GABRB2: variants seen among roughly 807,000 people sequenced by gnomAD.
The protein encoded by GABRB2 is gamma-aminobutyric acid receptor subunit beta-2.
A neutral mutation model predicts 54.7 loss-of-function variants in GABRB2; 16 were observed. That is an observed-to-expected ratio of 0.29 (90% CI 0.20 to 0.44). The LOEUF (loss-of-function observed/expected upper bound fraction) is 0.44. Among genes scored for constraint, GABRB2 ranks in the 20% least tolerant of loss-of-function variants. The pLI is 1.00. For synonymous variants in GABRB2, 244 were observed against 233.8 expected, an observed-to-expected ratio of 1.04 and a Z score of -0.40; for missense variants, 355 against 644.0, an observed-to-expected ratio of 0.55 and a Z score of 4.86.
intron 4 of GABRB2, among the ~76,000 whole-genome samples, chr5:161,436,329 G>A (rs937919852): frequency 3.9e-5 from 6 of 152,074 alleles, no homozygotes; most frequent in Admixed American, 6.6e-5. Context: ...TCAGTAGGTC[G>A]AGACCAGCCT....
At chr5:161,509,253 C>A (rs965339594) in intron 3 of GABRB2, among the ~76,000 whole-genome samples, 3 of 151,964 alleles carry the variant, frequency 2.0e-5, no homozygotes, top group Admixed American at 6.6e-5. Flanking sequence ...TGATTTCCAT[C>A]TATGACAATA....
chr5:161,298,228 G>T (rs1452926242), intron 9 of GABRB2, among the ~76,000 whole-genome samples: 1 of 152,146 alleles, frequency 6.6e-6, no homozygotes, highest in Non-Finnish European at 1.5e-5. Flanking sequence ...TCTGTAGGTT[G>T]CCTGTTCACT....
chr5:161,297,723 A>C (rs1757423251), intron 9 of GABRB2, among the ~76,000 whole-genome samples: 1 of 152,132 alleles, frequency 6.6e-6, no homozygotes, highest in Admixed American at 6.5e-5. Context: ...TGCTATTGTG[A>C]ATAGTGTTGC....
At chr5:161,544,475 G>A (rs1402738628) in intron 3 of GABRB2, among the ~76,000 whole-genome samples, 2 of 152,176 alleles carry the variant, frequency 1.3e-5, no homozygotes, top group African/African-American at 4.8e-5. Flanking sequence ...CCCGATTGAA[G>A]CAAACCCCCC....
At chr5:161,435,082 ATTAT>A (rs1757271606) in intron 4 of GABRB2, among the ~76,000 whole-genome samples, 2 of 152,204 alleles carry the variant, frequency 1.3e-5, no homozygotes, top group Non-Finnish European at 2.9e-5. Context: ...GGGTCTAGTT[ATTAT>A]TATAGATTTT....
intron 3 of GABRB2, among the ~76,000 whole-genome samples, chr5:161,465,739 A>G (rs1393812334): frequency 6.6e-6 from 1 of 152,090 alleles, no homozygotes; most frequent in Admixed American, 6.6e-5. Context: ...AATATACACA[A>G]TACATACACA....
chr5:161,330,267 A>G (rs942995898), intron 8 of GABRB2: 5 of 152,228 alleles, frequency 3.3e-5, no homozygotes, highest in Admixed American at 3.3e-4. Context: ...TAAGTGGTAT[A>G]TGTGCAAGGC....
chr5:161,423,567 C>T (rs527615034), intron 4 of GABRB2, among the ~76,000 whole-genome samples: 13 of 152,214 alleles, frequency 8.5e-5, no homozygotes, highest in South Asian at 6.2e-4. Context: ...TGGGGAGCCA[C>T]GAAGCATGTC....
chr5:161,525,703 G>T (rs1760257084), intron 3 of GABRB2, among the ~76,000 whole-genome samples: 1 of 151,090 alleles, frequency 6.6e-6, no homozygotes, highest in Non-Finnish European at 1.5e-5. Context: ...ATTATAAGAA[G>T]CACTTTTTCT....
At chr5:161,309,541 TA>T (rs1277872737) in intron 9 of GABRB2, among the ~76,000 whole-genome samples, 1 of 152,082 alleles carries the variant, frequency 6.6e-6, no homozygotes, top group Non-Finnish European at 1.5e-5. Context: ...TTTTATATTA[TA>T]AAGACACATG....
At chr5:161,310,832 G>A (rs1757844479) in intron 9 of GABRB2, among the ~76,000 whole-genome samples, 1 of 148,332 alleles carries the variant, frequency 6.7e-6, no homozygotes, top group African/African-American at 2.5e-5. Flanking sequence ...GCGCAATCTC[G>A]GCTCACTGCA....
chr5:161,500,995 C>T (rs1759420034), intron 3 of GABRB2, among the ~76,000 whole-genome samples: 1 of 152,044 alleles, frequency 6.6e-6, no homozygotes, highest in Non-Finnish European at 1.5e-5. Flanking sequence ...TCCTCCCACC[C>T]CACAACAGTC....
intron 3 of GABRB2, among the ~76,000 whole-genome samples, chr5:161,538,572 C>T (rs1760715086): frequency 6.6e-6 from 1 of 152,230 alleles, no homozygotes; most frequent in Non-Finnish European, 1.5e-5. Context: ...CCTATAATCC[C>T]AGCACTCTGG....
chr5:161,327,322 G>A (rs995408769), intron 8 of GABRB2, among the ~76,000 whole-genome samples: 2 of 152,252 alleles, frequency 1.3e-5, no homozygotes, highest in Non-Finnish European at 1.5e-5. Context: ...AATCAACTGA[G>A]TTGGAATACA....
intron 5 of GABRB2, among the ~76,000 whole-genome samples, chr5:161,402,807 C>T (rs1370223752): frequency 1.3e-5 from 2 of 152,080 alleles, no homozygotes; most frequent in African/African-American, 2.4e-5. Context: ...TTTAATAAGC[C>T]CTCCAGGAGA....
At chr5:161,411,607 G>C (rs1331026318) in intron 4 of GABRB2, among the ~76,000 whole-genome samples, 6 of 151,948 alleles carry the variant, frequency 3.9e-5, no homozygotes, top group Non-Finnish European at 7.4e-5. Flanking sequence ...CCTGATTTCT[G>C]TCCTGAGTAA....
rs891825807 is a variant in GABRB2 at position 161,292,051 on chromosome 5, A to C, written c.*2030T>G. ...CCAAAGATGATACTCAGAGGTGCTC[A>C]AGATTATGTAATCAAAATATAATGG... On this transcript the variant is annotated 3_prime_UTR_variant, in exon 10 of 10. Transcript: ENST00000393959. The C allele has an allele frequency of 2.6e-5, 4 of 152,242 alleles. No individual in the cohort carries two copies. Among genetic ancestry groups the C allele is most frequent in the African/African-American group, 9.6e-5 (4 of 41,556 alleles). 9.4% of individuals were successfully genotyped at this position (152,242 alleles called of 1,614,324 possible).
intron 5 of GABRB2, among the ~76,000 whole-genome samples, chr5:161,396,122 C>G (rs1341836514): frequency 6.6e-6 from 1 of 152,086 alleles, no homozygotes; most frequent in Non-Finnish European, 1.5e-5. Context: ...ATACTTTGGG[C>G]TCTTATAGCT....
At chr5:161,469,348 A>G (rs1367806325) in intron 3 of GABRB2, among the ~76,000 whole-genome samples, 1 of 151,958 alleles carries the variant, frequency 6.6e-6, no homozygotes, top group Non-Finnish European at 1.5e-5. Flanking sequence ...TAGGCTTGTT[A>G]TTAACAAAGC....
Sources: allele counts gnomAD v4.1 joint callset (sites outside exome capture counted in the v4.1 genomes callset), GRCh38; gene constraint gnomAD v4.1.1; transcripts MANE v1.5; gene names NCBI Gene and HGNC (gene_info 2026-07-23, HGNC 2026-07-21).